ZNF264: variants seen among roughly 807,000 people sequenced by gnomAD.
ZNF264 encodes zinc finger protein 264.
ZNF264 carries 11 observed loss-of-function variants against 11.2 expected under a neutral mutation model. That is an observed-to-expected ratio of 0.98 (90% confidence interval 0.62 to 1.63). ZNF264 has a LOEUF of 1.63. Among genes scored for constraint, ZNF264 ranks in the 40% most tolerant of loss-of-function variants. The pLI is 0.00. For synonymous variants in ZNF264, 309 were observed against 279.8 expected, an observed-to-expected ratio of 1.10 and a Z score of -1.04; for missense variants, 752 against 768.1, an observed-to-expected ratio of 0.98 and a Z score of 0.25.
chr19:57,199,337 C>A (rs1213149047), intron 2 of ZNF264, among the ~76,000 whole-genome samples: 1 of 151,894 alleles, frequency 6.6e-6, no homozygotes, highest in Non-Finnish European at 1.5e-5. Flanking sequence ...AAGGTTATGT[C>A]TTATGGACCC....
intron 3 of ZNF264, among the ~76,000 whole-genome samples, chr19:57,208,771 C>G (rs933091629): frequency 3.3e-5 from 5 of 152,110 alleles, no homozygotes; most frequent in African/African-American, 9.7e-5. Context: ...CCTTTGTTTT[C>G]TAAAGAGCTT....
At chr19:57,209,784 G>C (rs1199081636) in intron 3 of ZNF264, among the ~76,000 whole-genome samples, 1 of 152,018 alleles carries the variant, frequency 6.6e-6, no homozygotes, top group Non-Finnish European at 1.5e-5. Flanking sequence ...TTTTTTTAGA[G>C]ATGGGAGCTT....
intron 2 of ZNF264, 56 bp from the exon 3 acceptor site, chr19:57,205,341 G>C (rs1474037883): frequency 2.6e-6 from 4 of 1,512,096 alleles, no homozygotes; most frequent in Non-Finnish European, 1.8e-6. Flanking sequence ...CTAGATTGAA[G>C]GTCTTTATTT....
chr19:57,202,768 G>C (rs1367292405), intron 2 of ZNF264, among the ~76,000 whole-genome samples: 1 of 151,802 alleles, frequency 6.6e-6, no homozygotes, highest in African/African-American at 2.4e-5. Flanking sequence ...AAACATGAGT[G>C]TTTCCTTGAG....
rs1474557014 is a variant in ZNF264, at chr19:57,214,003, T to C, written c.*1022T>C. 2 of 152,172 alleles carry C rather than the reference T, an allele frequency of 1.3e-5. No homozygotes were observed. The highest frequency in any genetic ancestry group is 2.9e-5 in the Non-Finnish European group (2 of 68,024). The allele number at this position is 152,172 out of a possible 1,614,324, so 9.4% of individuals were successfully genotyped here. A position where few individuals can be genotyped will look rare whatever the true frequency, so the allele number is the denominator to read the frequency against. ...GTAATTTGAGTGATTGTAAATGGCA[T>C]TGATGTTTGAACTTTGAATTGCACA... On this transcript the variant is annotated 3_prime_UTR_variant, in exon 4 of 4. Transcript: ENST00000263095.
At chr19:57,192,612 G>T (rs2087182664) in intron 1 of ZNF264, 1 of 975,822 alleles carries the variant, frequency 1.0e-6, no homozygotes, top group African/African-American at 1.8e-5. Flanking sequence ...GAGACCCAGG[G>T]AGATCCCAGA....
chr19:57,201,824 C>T (rs545078548), intron 2 of ZNF264, among the ~76,000 whole-genome samples: 23 of 151,938 alleles, frequency 1.5e-4, no homozygotes, highest in Middle Eastern at 3.4e-3. Flanking sequence ...CTTCCCCGGG[C>T]AGAACTTTCT....
chr19:57,200,722 A>G (rs1599948024), intron 2 of ZNF264, among the ~76,000 whole-genome samples: 2 of 151,740 alleles, frequency 1.3e-5, no homozygotes, highest in South Asian at 4.1e-4. Flanking sequence ...AGCAATTCTC[A>G]TGCCTCAGCC....
At position 57,194,012 on chromosome 19, in the gene ZNF264, C is replaced by T. The variant is rs777679419; in HGVS notation, c.160+11C>T. On this transcript the variant is annotated intron_variant, in intron 2 of 3. Transcript: ENST00000263095. ...TCCTGGTGTCTCTGGGTAAGGCCTT[C>T]CTTCCCCCTCCACCATGCAGGTGAC... 6.3e-7 allele frequency: 1 copy of T among 1,597,898 alleles called. No homozygotes were observed. The highest frequency in any genetic ancestry group is 1.1e-5 in the South Asian group (1 of 88,888).
intron 2 of ZNF264, among the ~76,000 whole-genome samples, chr19:57,195,784 G>A (rs2087207652): frequency 6.6e-6 from 1 of 151,838 alleles, no homozygotes; most frequent in Non-Finnish European, 1.5e-5. Flanking sequence ...GGAGCCCAAA[G>A]TGTCCAGGTG....
intron 2 of ZNF264, among the ~76,000 whole-genome samples, chr19:57,201,500 T>C (rs1398420629): frequency 6.6e-6 from 1 of 151,964 alleles, no homozygotes; most frequent in Non-Finnish European, 1.5e-5. Flanking sequence ...TGGACTTGTA[T>C]CCCAACACAA....
chr19:57,209,690 T>C (rs573065878), intron 3 of ZNF264, among the ~76,000 whole-genome samples: 14 of 152,280 alleles, frequency 9.2e-5, no homozygotes, highest in African/African-American at 3.1e-4. Context: ...AATCCTCCCA[T>C]GTCAGCCTCC....
chr19:57,212,085 T>G lies in ZNF264; in HGVS notation c.988T>G (p.Phe330Val). The G allele has an allele frequency of 6.2e-7, 1 of 1,614,118 alleles. No individual in the cohort carries two copies. The highest frequency in any genetic ancestry group is 8.5e-7 in the Non-Finnish European group (1 of 1,180,030). ...CCAAGTCTTTCGACATAGGCCAGGC[T>G]TTCTCCGGCACTATGTTGTCCACAG... is the stretch of plus-strand genomic sequence containing the variant. ...CGQVFRHRPG[F>V]LRHYVVHSGE... is the part of the protein sequence containing the mutation. The change falls in exon 4 of 4, where the codon TTT becomes GTT. Residue 330 changes from phenylalanine (F) to valine (V), a missense_variant. Coordinates refer to ENST00000263095, the MANE Select transcript of ZNF264 (RefSeq NM_003417.5).
chr19:57,191,868 G>GC lies in ZNF264; in HGVS notation c.-43dup. Reference sequence around the variant, plus strand: ...GGGCACAGGTGGGGTCCGTCAGGCCGCCCGGGGCTCCTCTGTCCCAGCTCT... The same window carrying GC: ...GGGCACAGGTGGGGTCCGTCAGGCCGCCCCGGGGCTCCTCTGTCCCAGCTCT... On this transcript the variant is annotated 5_prime_UTR_variant, in exon 1 of 4. Transcript: ENST00000263095. 1 of 1,302,574 alleles carries GC rather than the reference G, an allele frequency of 7.7e-7. No individual in the cohort carries two copies. The highest frequency in any genetic ancestry group is 9.8e-7 in the Non-Finnish European group (1 of 1,023,892). 80.7% of individuals were successfully genotyped at this position (1,302,574 alleles called of 1,614,324 possible). A position where few individuals can be genotyped will look rare whatever the true frequency, so the allele number is the denominator to read the frequency against.
In ZNF264 at chr19:57,215,522, CTTGATTTCT is replaced by C. The variant is rs1331084708; in HGVS notation, c.*2551_*2559del. 3.9e-5 allele frequency: 6 copies of C among 152,098 alleles called. No homozygotes were observed. Among genetic ancestry groups the C allele is most frequent in the Non-Finnish European group, 1.5e-5 (1 of 68,012 alleles). The allele number at this position is 152,098 out of a possible 1,614,324, so 9.4% of individuals were successfully genotyped here. On this transcript the variant is annotated 3_prime_UTR_variant, in exon 4 of 4. Transcript: ENST00000263095. ...TTTATATTAATGATTTGTCTCTATTCTTGATTTCTTTGATTTCTGCTCTGATCGGTATTA... is the reference window on the plus strand; with the variant it reads ...TTTATATTAATGATTTGTCTCTATTCTTGATTTCTGCTCTGATCGGTATTA...
In ZNF264 at chr19:57,211,695, G is replaced by A. The variant is rs1417292090; in HGVS notation, c.598G>A (p.Glu200Lys). Reference sequence around the variant, plus strand: ...TAAAGATCCCATGATTCAGGAAGAGGAAAATAACTTTAAATGCAGTGAATG... The same window carrying A: ...TAAAGATCCCATGATTCAGGAAGAGAAAAATAACTTTAAATGCAGTGAATG... ...SGKDPMIQEE[E>K]NNFKCSECGK... Residue 200 changes from glutamate to lysine, a missense_variant, in exon 4 of 4, where the codon GAA (glutamate) becomes AAA (lysine). Glu to Lys is a moderately conservative substitution (Grantham distance 56, BLOSUM62 1). Coordinates refer to ENST00000263095, the MANE Select transcript of ZNF264 (RefSeq NM_003417.5). 1.2e-6 allele frequency: 2 copies of A among 1,614,124 alleles called. No individual in the cohort carries two copies. The highest frequency in any genetic ancestry group is 3.3e-5 in the Admixed American group (2 of 60,016).
intron 2 of ZNF264, among the ~76,000 whole-genome samples, chr19:57,196,094 G>T (rs1008590242): frequency 6.6e-6 from 1 of 151,792 alleles, no homozygotes; most frequent in Non-Finnish European, 1.5e-5. Flanking sequence ...TCACTAGTTG[G>T]AGTAATTATG....
Position 57,193,870 on chromosome 19 carries a change from T to C in ZNF264, c.34-5T>C, listed in dbSNP as rs201918918. 1.5e-4 allele frequency: 249 copies of C among 1,614,046 alleles called. 2 individuals carry two copies. The East Asian group carries it at 5.4e-3, about 35-fold the overall frequency. Reference sequence around the variant, plus strand: ...CAATACTACTAATTCTGTTTGACTTTCCAGGTGTCTGTGACCTTTGATGAT... The same window carrying C: ...CAATACTACTAATTCTGTTTGACTTCCCAGGTGTCTGTGACCTTTGATGAT... On this transcript the variant is annotated splice_region_variant and splice_polypyrimidine_tract_variant and intron_variant, in intron 1 of 3. Transcript: ENST00000263095.
At position 57,193,960 on chromosome 19, in the gene ZNF264, A is replaced by G; in HGVS notation, c.119A>G (p.Gln40Arg). Reference sequence around the variant, plus strand: ...GACCTAGCTCAGCGGACCCTGTACCAGGAGGTGATGCTGGAAAACTGTGGG... The same window carrying G: ...GACCTAGCTCAGCGGACCCTGTACCGGGAGGTGATGCTGGAAAACTGTGGG... ...QLDLAQRTLYQEVMLENCGLL... is the reference protein window; with the variant it reads ...QLDLAQRTLYREVMLENCGLL... Residue 40 changes from glutamine (Q) to arginine (R), a missense_variant, in exon 2 of 4, where the codon CAG (glutamine) becomes CGG (arginine). Physicochemically the swap from Gln to Arg is conservative, Grantham distance 43. Coordinates refer to ENST00000263095, the MANE Select transcript of ZNF264 (RefSeq NM_003417.5). 1 of 1,613,682 alleles carries G rather than the reference A, an allele frequency of 6.2e-7. No homozygotes were observed. Among genetic ancestry groups the G allele is most frequent in the Middle Eastern group, 1.7e-4 (1 of 6,048 alleles).
Sources: allele counts gnomAD v4.1 joint callset (sites outside exome capture counted in the v4.1 genomes callset), GRCh38; gene constraint gnomAD v4.1.1; transcripts MANE v1.5; gene names NCBI Gene and HGNC (gene_info 2026-07-23, HGNC 2026-07-21).